The following TEAD1 variants were observed in gnomAD, a reference collection of about 807,000 sequenced individuals.
The protein encoded by TEAD1 is transcriptional enhancer factor TEF-1.
Under a neutral mutation model 54.9 loss-of-function variants are expected in TEAD1, and 9 were observed. The ratio of observed to expected loss-of-function variants is 0.16; its 90% CI spans 0.10 to 0.29. The LOEUF (loss-of-function observed/expected upper bound fraction) is 0.29, where lower values mean the gene tolerates loss of function less well. Ranked by LOEUF, TEAD1 falls within the 10% of genes least tolerant of loss-of-function variation. The pLI is 1.00. For missense variants in TEAD1, 387 were observed against 535.9 expected (o/e 0.72, Z 2.74); for synonymous variants, 200 against 187.8 (o/e 1.07, Z -0.53).
chr11:12,769,438 G>T (rs895941515), intron 3 of TEAD1, among the ~76,000 whole-genome samples: 3 of 152,192 alleles, frequency 2.0e-5, no homozygotes, highest in Admixed American at 6.5e-5. Context: ...AGTATGTATT[G>T]ATTAGTCAGT....
intron 3 of TEAD1, among the ~76,000 whole-genome samples, chr11:12,765,073 C>T (rs1424228602): frequency 2.0e-5 from 3 of 152,072 alleles, no homozygotes; most frequent in South Asian, 2.1e-4. Flanking sequence ...GGGTCACTGT[C>T]ACCATCTCCC....
chr11:12,928,929 CT>C (rs1212291273), intron 11 of TEAD1, among the ~76,000 whole-genome samples: 2 of 152,160 alleles, frequency 1.3e-5, no homozygotes, highest in Non-Finnish European at 1.5e-5. Context: ...TTGGTATTAA[CT>C]GTAGTCACCA....
intron 3 of TEAD1, among the ~76,000 whole-genome samples, chr11:12,788,043 A>T (rs1207613965): frequency 6.6e-6 from 1 of 150,474 alleles, no homozygotes; most frequent in Non-Finnish European, 1.5e-5. Flanking sequence ...GCTCACTGCA[A>T]CCTCCGCCTC....
intron 10 of TEAD1, 55 bp from the exon 11 acceptor site, chr11:12,924,857 T>C: frequency 6.2e-7 from 1 of 1,610,230 alleles, no homozygotes; most frequent in Non-Finnish European, 8.5e-7. Flanking sequence ...TACTGCTCGG[T>C]GCCATGACTC....
intron 11 of TEAD1, 83 bp downstream of exon 11, chr11:12,925,135 G>A (rs1440334192): frequency 1.1e-5 from 17 of 1,518,946 alleles, no homozygotes; most frequent in African/African-American, 2.7e-5. Flanking sequence ...GCAGAGAGTT[G>A]TATTTTTGGA....
At chr11:12,827,586 A>G (rs1038323014) in intron 3 of TEAD1, among the ~76,000 whole-genome samples, 8 of 152,176 alleles carry the variant, frequency 5.3e-5, no homozygotes, top group African/African-American at 1.7e-4. Flanking sequence ...AATCCCATCT[A>G]CTGATTCTAG....
At chr11:12,682,702 G>C (rs1471772194) in intron 2 of TEAD1, among the ~76,000 whole-genome samples, 2 of 152,108 alleles carry the variant, frequency 1.3e-5, no homozygotes, top group Non-Finnish European at 2.9e-5. Flanking sequence ...ACATTTATGG[G>C]TGCTACTGTG....
At chr11:12,888,706 A>G (rs1564978705) in intron 9 of TEAD1, among the ~76,000 whole-genome samples, 1 of 152,162 alleles carries the variant, frequency 6.6e-6, no homozygotes, top group East Asian at 1.9e-4. Context: ...GATGGCCAAC[A>G]TTTACTAAAT....
chr11:12,863,895 G>A (rs1947557574), intron 4 of TEAD1, among the ~76,000 whole-genome samples: 1 of 152,150 alleles, frequency 6.6e-6, no homozygotes. Flanking sequence ...AGCAGTTGGT[G>A]ATACCTCTCC....
rs1465224746 is a variant in TEAD1 at position 12,940,450 on chromosome 11, A to T, written c.*3228A>T. The T allele has an allele frequency of 6.6e-6, 1 of 152,230 alleles. No homozygotes were observed. The highest frequency in any genetic ancestry group is 1.5e-5 in the Non-Finnish European group (1 of 68,032). The allele number at this position is 152,230 out of a possible 1,614,324, so 9.4% of individuals were successfully genotyped here. ...GTTGCCCAAGATGTTACAGGTCACA[A>T]TGACCACATTTGAAATTGTTTTCCC... On this transcript the variant is annotated 3_prime_UTR_variant, in exon 13 of 13. Transcript: ENST00000527636.
At chr11:12,769,866 T>C (rs147249093) in intron 3 of TEAD1, among the ~76,000 whole-genome samples, 63 of 152,312 alleles carry the variant, frequency 4.1e-4, no homozygotes, top group African/African-American at 1.5e-3. Flanking sequence ...AAGGTGTCAG[T>C]AATGTTTGCT....
intron 9 of TEAD1, among the ~76,000 whole-genome samples, chr11:12,897,831 C>T (rs775998285): frequency 6.6e-6 from 1 of 152,180 alleles, no homozygotes; most frequent in African/African-American, 2.4e-5. Flanking sequence ...CCCAAATCAA[C>T]TTTCAAAAAA....
At chr11:12,837,357 C>T (rs551266309) in intron 3 of TEAD1, among the ~76,000 whole-genome samples, 7 of 152,264 alleles carry the variant, frequency 4.6e-5, no homozygotes, top group South Asian at 4.1e-4. Context: ...GGCCAGGCAT[C>T]GGGTCCTCAG....
chr11:12,920,553 G>T (rs1589990657), intron 10 of TEAD1, among the ~76,000 whole-genome samples: 4 of 152,186 alleles, frequency 2.6e-5, no homozygotes, highest in Middle Eastern at 3.4e-3. Flanking sequence ...GCCTAGGCTG[G>T]TCTCAAACTC....
At chr11:12,769,252 A>T (rs544075503) in intron 3 of TEAD1, among the ~76,000 whole-genome samples, 1 of 152,252 alleles carries the variant, frequency 6.6e-6, no homozygotes, top group South Asian at 2.1e-4. Flanking sequence ...GTCTCTAGTC[A>T]GTCCTCCCCC....
intron 3 of TEAD1, among the ~76,000 whole-genome samples, chr11:12,807,370 G>C (rs1946197285): frequency 6.6e-6 from 1 of 152,286 alleles, no homozygotes; most frequent in Non-Finnish European, 1.5e-5. Flanking sequence ...CACAGGGTAG[G>C]GGGCAGTATG....
intron 2 of TEAD1, among the ~76,000 whole-genome samples, chr11:12,749,877 G>T: frequency 6.6e-6 from 1 of 152,304 alleles, no homozygotes; most frequent in African/African-American, 2.4e-5. Context: ...TGCTGAACTT[G>T]AACTGGATGT....
intron 3 of TEAD1, among the ~76,000 whole-genome samples, chr11:12,829,885 A>G (rs1164447353): frequency 1.3e-5 from 2 of 152,240 alleles, no homozygotes; most frequent in African/African-American, 4.8e-5. Context: ...CATAACACCC[A>G]GCACAAGACA....
chr11:12,696,472 A>G (rs1943584889), intron 2 of TEAD1, among the ~76,000 whole-genome samples: 1 of 152,216 alleles, frequency 6.6e-6, no homozygotes, highest in African/African-American at 2.4e-5. Flanking sequence ...CAGAGAGACA[A>G]GGAAACACAG....
Sources: allele counts gnomAD v4.1 joint callset (sites outside exome capture counted in the v4.1 genomes callset), GRCh38; gene constraint gnomAD v4.1.1; transcripts MANE v1.5; gene names NCBI Gene and HGNC (gene_info 2026-07-23, HGNC 2026-07-21).